Variants in GOLIM4 observed in about 807,000 individuals in gnomAD.
The protein encoded by GOLIM4 is golgi integral membrane protein 4, also known as 130 kDa golgi-localized phosphoprotein.
Under a neutral mutation model 107.4 loss-of-function variants are expected in GOLIM4, and 71 were observed. The ratio of observed to expected loss-of-function variants is 0.66; its 90% CI spans 0.55 to 0.81. The LOEUF (loss-of-function observed/expected upper bound fraction) is 0.81, where lower values mean the gene tolerates loss of function less well. Among genes scored for constraint, GOLIM4 ranks in the 30% least tolerant of loss-of-function variants. The pLI, the probability that GOLIM4 is intolerant of heterozygous loss-of-function variation, is 0.00. For missense variants in GOLIM4, 830 were observed against 826.1 expected (o/e 1.00, Z -0.06); for synonymous variants, 327 against 294.8 (o/e 1.11, Z -1.12).
chr3:168,095,500 C>A lies in GOLIM4; in HGVS notation c.-215G>T. ...TCGACGCCGCCCGGGCAGCTGCAGC[C>A]AAACTTCTGCGAGGCTCGTTCTCCG... On this transcript the variant is annotated 5_prime_UTR_variant, in exon 1 of 16. Transcript: ENST00000470487. The A allele has an allele frequency of 1.9e-6, 1 of 519,138 alleles. No homozygotes were observed. Among genetic ancestry groups the A allele is most frequent in the Non-Finnish European group, 3.4e-6 (1 of 296,572 alleles). The allele number at this position is 519,138 out of a possible 1,614,324, so 32.2% of individuals were successfully genotyped here.
chr3:168,075,638 G>A (rs951202491), intron 1 of GOLIM4, among the ~76,000 whole-genome samples: 4 of 152,030 alleles, frequency 2.6e-5, no homozygotes, highest in African/African-American at 4.8e-5. Flanking sequence ...GAATCTACAA[G>A]TTCCTACTCT....
chr3:168,044,525 A>C (rs1719193814), intron 4 of GOLIM4, among the ~76,000 whole-genome samples: 1 of 152,248 alleles, frequency 6.6e-6, no homozygotes, highest in African/African-American at 2.4e-5. Flanking sequence ...AACCACTGTG[A>C]GAAAGTAAAT....
chr3:168,012,386 A>T (rs1157029571), intron 14 of GOLIM4, among the ~76,000 whole-genome samples: 1 of 145,176 alleles, frequency 6.9e-6, no homozygotes, highest in East Asian at 1.9e-4. Flanking sequence ...ATATGGGACT[A>T]TGTGAAAAGA....
intron 12 of GOLIM4, 65 bp downstream of exon 12, chr3:168,027,663 G>A (rs1718069725): frequency 2.0e-6 from 2 of 988,238 alleles, no homozygotes; most frequent in African/African-American, 3.2e-5. Flanking sequence ...CATCAGGCAA[G>A]TTTTCAACTC....
intron 1 of GOLIM4, among the ~76,000 whole-genome samples, chr3:168,091,509 TG>T (rs372709996): frequency 2.0e-4 from 30 of 152,356 alleles, no homozygotes; most frequent in African/African-American, 7.2e-4. Flanking sequence ...TAAAGTACAC[TG>T]GATGTTTGCA....
At position 168,055,663 on chromosome 3, in the gene GOLIM4, G is replaced by A. The variant is rs1033291341; in HGVS notation, c.188-7298C>T. Among the ~76,000 whole-genome samples the A allele has an allele frequency of 9.9e-5, 15 of 152,052 alleles. 1 individual carries two copies. The highest frequency in any genetic ancestry group is 7.2e-4 in the Admixed American group (11 of 15,258). ...AATACAAAAAAAACATTAGCTGGGC[G>A]TGATGGCAGGTACCTGTAGTCCCAG... On this transcript the variant is annotated intron_variant, in intron 1 of 15. Transcript: ENST00000470487.
At chr3:168,073,196 G>A (rs1204301301) in intron 1 of GOLIM4, among the ~76,000 whole-genome samples, 1 of 152,148 alleles carries the variant, frequency 6.6e-6, no homozygotes, top group African/African-American at 2.4e-5. Context: ...AATTTTACTT[G>A]TTCTCATATG....
chr3:168,056,375 C>T (rs774271011), intron 1 of GOLIM4, among the ~76,000 whole-genome samples: 10 of 152,240 alleles, frequency 6.6e-5, no homozygotes, highest in Non-Finnish European at 1.0e-4. Flanking sequence ...CATGGAGAAC[C>T]TCTGCTAGGT....
At chr3:168,091,383 C>T (rs986189843) in intron 1 of GOLIM4, among the ~76,000 whole-genome samples, 1 of 152,174 alleles carries the variant, frequency 6.6e-6, no homozygotes, top group Non-Finnish European at 1.5e-5. Flanking sequence ...GATCTCACAG[C>T]ACATAATTAT....
intron 14 of GOLIM4, 31 bp downstream of exon 14, chr3:168,024,495 T>A: frequency 7.0e-7 from 1 of 1,436,642 alleles, no homozygotes; most frequent in Non-Finnish European, 9.8e-7. Context: ...CAGACCAATC[T>A]GATCAGTCTC....
intron 1 of GOLIM4, among the ~76,000 whole-genome samples, chr3:168,064,987 C>G (rs1198463802): frequency 6.6e-6 from 1 of 150,596 alleles, no homozygotes; most frequent in East Asian, 1.9e-4. Context: ...GAAAAAAAGA[C>G]AAAGAGAAAC....
intron 1 of GOLIM4, among the ~76,000 whole-genome samples, chr3:168,092,780 A>C (rs1211022534): frequency 2.0e-5 from 3 of 152,242 alleles, no homozygotes. Context: ...GAAAATGTAC[A>C]TTAAATGGCT....
chr3:168,033,016 T>C (rs1451861311), intron 8 of GOLIM4, among the ~76,000 whole-genome samples, 164 bp from the exon 9 acceptor site: 2 of 152,180 alleles, frequency 1.3e-5, no homozygotes, highest in Admixed American at 1.3e-4. Flanking sequence ...CTTAAGTTTC[T>C]TACTGTGTAA....
chr3:168,014,964 C>A (rs1171270719), intron 14 of GOLIM4, among the ~76,000 whole-genome samples: 1 of 150,560 alleles, frequency 6.6e-6, no homozygotes, highest in Non-Finnish European at 1.5e-5. Flanking sequence ...GAAGCATTCC[C>A]TCTGAAAACT....
chr3:168,030,075 A>G, intron 9 of GOLIM4, 39 bp from the exon 10 acceptor site: 1 of 1,597,906 alleles, frequency 6.3e-7, no homozygotes, highest in Non-Finnish European at 8.6e-7. Context: ...AAGAGGGGTT[A>G]GCTCCTCTGG....
chr3:168,043,653 CTTTG>C lies in GOLIM4; in HGVS notation c.367-128_367-125del, dbSNP rs577357364. 423 of 647,046 alleles carry C rather than the reference CTTTG, an allele frequency of 6.5e-4. 1 individual carries two copies. The African/African-American group carries it at 6.8e-3, about 10-fold the overall frequency. 40.1% of individuals were successfully genotyped at this position (647,046 alleles called of 1,614,324 possible). ...AAGCACAAACACATGAAGAAATAGG[CTTTG>C]TTTTTCTCAAGTTGCTTTAATTTGT... On this transcript the variant is annotated intron_variant, in intron 4 of 15. Coordinates refer to ENST00000470487, the MANE Select transcript of GOLIM4 (RefSeq NM_014498.5).
chr3:168,034,726 A>G (rs1370891866), intron 8 of GOLIM4, among the ~76,000 whole-genome samples: 2 of 152,222 alleles, frequency 1.3e-5, no homozygotes, highest in African/African-American at 4.8e-5. Context: ...GAACCCGGTT[A>G]GAGGTAACTC....
intron 1 of GOLIM4, among the ~76,000 whole-genome samples, chr3:168,063,721 G>A (rs776582029): frequency 5.4e-5 from 7 of 130,302 alleles, no homozygotes; most frequent in Admixed American, 8.4e-5. Context: ...GGGCAGGGGA[G>A]TGGGGGAGGG....
At chr3:168,058,326 A>G (rs1175366811) in intron 1 of GOLIM4, among the ~76,000 whole-genome samples, 1 of 152,122 alleles carries the variant, frequency 6.6e-6, no homozygotes, top group East Asian at 1.9e-4. Context: ...TCATGCCACT[A>G]ATTGAGATTT....
Sources: gnomAD v4.1 joint callset for allele counts (sites outside exome capture counted in the v4.1 genomes callset) on GRCh38, gnomAD v4.1.1 for gene constraint, MANE v1.5 for transcripts, NCBI Gene and HGNC (gene_info 2026-07-23, HGNC 2026-07-21) for gene names.